Variants in UGT8 observed in about 807,000 individuals in gnomAD.
UGT8 encodes the protein UDP glycosyltransferase 8, also known as 2-hydroxyacylsphingosine 1-beta-galactosyltransferase.
A neutral mutation model predicts 40.5 loss-of-function variants in UGT8; 12 were observed. That is an observed-to-expected ratio of 0.30 (90% CI 0.19 to 0.48). The LOEUF is 0.48. Among genes scored for constraint, UGT8 ranks in the 20% least tolerant of loss-of-function variants. UGT8 has a pLI of 0.99. For missense variants in UGT8, 513 were observed against 648.7 expected (o/e 0.79, Z 2.27); for synonymous variants, 224 against 240.4 (o/e 0.93, Z 0.63).
intron 1 of UGT8, among the ~76,000 whole-genome samples, chr4:114,599,563 G>T (rs1730311030): frequency 6.6e-6 from 1 of 152,222 alleles, no homozygotes; most frequent in Admixed American, 6.5e-5. Flanking sequence ...CCGTTTCCGC[G>T]TGCCCGCGCG....
At chr4:114,647,388 G>GTGTT (rs928460196) in intron 2 of UGT8, among the ~76,000 whole-genome samples, 15 of 151,662 alleles carry the variant, frequency 9.9e-5, no homozygotes, top group Admixed American at 9.9e-4. Context: ...GTGTGTGTGT[G>GTGTT]TGTGTCTCAC....
chr4:114,611,376 C>A, intron 1 of UGT8, among the ~76,000 whole-genome samples: 1 of 138,692 alleles, frequency 7.2e-6, no homozygotes, highest in Non-Finnish European at 1.5e-5. Context: ...ACATCTTTTT[C>A]TGTAGGATAA....
intron 1 of UGT8, among the ~76,000 whole-genome samples, chr4:114,609,667 C>T (rs568620845): frequency 6.6e-6 from 1 of 152,190 alleles, no homozygotes; most frequent in African/African-American, 2.4e-5. Context: ...ATCTGCCCAT[C>T]AGTAGGATTT....
At chr4:114,627,549 C>T (rs973541852) in intron 2 of UGT8, among the ~76,000 whole-genome samples, 39 of 152,006 alleles carry the variant, frequency 2.6e-4, no homozygotes, top group Admixed American at 2.0e-3. Context: ...TGAGCCACCG[C>T]GCCTGGCCAA....
chr4:114,610,922 T>C (rs75745319), intron 1 of UGT8, among the ~76,000 whole-genome samples: 2 of 152,222 alleles, frequency 1.3e-5, no homozygotes, highest in Admixed American at 6.5e-5. Context: ...GGGGAAATAA[T>C]CCCATGATCT....
At chr4:114,660,999 TTGTCTC>T (rs1309658133) in intron 2 of UGT8, among the ~76,000 whole-genome samples, 1 of 152,188 alleles carries the variant, frequency 6.6e-6, no homozygotes, top group Non-Finnish European at 1.5e-5. Flanking sequence ...CAGTAGCTGA[TTGTCTC>T]TGTCATCATG....
intron 1 of UGT8, among the ~76,000 whole-genome samples, chr4:114,621,084 G>T (rs570398378): frequency 6.6e-6 from 1 of 152,016 alleles, no homozygotes; most frequent in Admixed American, 6.5e-5. Context: ...ACACTATATG[G>T]TCCCCACGTA....
At chr4:114,617,850 C>A (rs1244143034) in intron 1 of UGT8, among the ~76,000 whole-genome samples, 1 of 152,084 alleles carries the variant, frequency 6.6e-6, no homozygotes, top group Non-Finnish European at 1.5e-5. Flanking sequence ...TGCTTAACTC[C>A]AAAGGAAGGA....
chr4:114,599,923 A>AG (rs1313165254), intron 1 of UGT8, among the ~76,000 whole-genome samples: 1 of 152,134 alleles, frequency 6.6e-6, no homozygotes, highest in African/African-American at 2.4e-5. Context: ...GGTTTAATTG[A>AG]GGGTTTATAA....
At chr4:114,624,457 A>G (rs770291180) in intron 2 of UGT8, among the ~76,000 whole-genome samples, 1 of 152,206 alleles carries the variant, frequency 6.6e-6, no homozygotes, top group Non-Finnish European at 1.5e-5. Flanking sequence ...TTCTAACCTC[A>G]GATTGAATCT....
intron 3 of UGT8, among the ~76,000 whole-genome samples, chr4:114,665,088 C>T (rs532090681): frequency 1.3e-5 from 2 of 152,310 alleles, no homozygotes; most frequent in African/African-American, 4.8e-5. Context: ...TATGTCTATT[C>T]CATTCAGACT....
intron 1 of UGT8, among the ~76,000 whole-genome samples, chr4:114,608,534 T>A (rs1219019214): frequency 6.6e-6 from 1 of 152,168 alleles, no homozygotes; most frequent in Non-Finnish European, 1.5e-5. Flanking sequence ...TATTTTTTTT[T>A]AACAAGGTGT....
intron 1 of UGT8, among the ~76,000 whole-genome samples, chr4:114,616,089 C>T (rs1190054744): frequency 6.6e-6 from 1 of 152,174 alleles, no homozygotes; most frequent in South Asian, 2.1e-4. Flanking sequence ...CTCAGATCTC[C>T]AGCTGCGTTC....
chr4:114,657,485 G>A (rs1299135963), intron 2 of UGT8, among the ~76,000 whole-genome samples: 1 of 152,054 alleles, frequency 6.6e-6, no homozygotes, highest in Non-Finnish European at 1.5e-5. Flanking sequence ...TATTGCTTCT[G>A]TAGCGTAATT....
At chr4:114,603,990 A>G (rs1451060705) in intron 1 of UGT8, among the ~76,000 whole-genome samples, 1 of 152,192 alleles carries the variant, frequency 6.6e-6, no homozygotes, top group Non-Finnish European at 1.5e-5. Flanking sequence ...AGGCCAGTAG[A>G]ATAGCAGCCA....
At chr4:114,618,338 C>T (rs1341154403) in intron 1 of UGT8, among the ~76,000 whole-genome samples, 1 of 152,120 alleles carries the variant, frequency 6.6e-6, no homozygotes, top group Non-Finnish European at 1.5e-5. Flanking sequence ...ACATTTTCAC[C>T]AACTTCTTAA....
At chr4:114,652,663 G>T (rs1226203542) in intron 2 of UGT8, among the ~76,000 whole-genome samples, 1 of 151,966 alleles carries the variant, frequency 6.6e-6, no homozygotes, top group Non-Finnish European at 1.5e-5. Context: ...GATTAGAAGA[G>T]CACATAAATC....
intron 1 of UGT8, among the ~76,000 whole-genome samples, chr4:114,610,574 G>T (rs1384917092): frequency 6.6e-6 from 1 of 152,088 alleles, no homozygotes; most frequent in African/African-American, 2.4e-5. Context: ...TTTTTCTGCA[G>T]AAACTATCAA....
intron 2 of UGT8, among the ~76,000 whole-genome samples, chr4:114,657,450 AC>A (rs1239431216): frequency 1.3e-5 from 2 of 152,062 alleles, no homozygotes; most frequent in Non-Finnish European, 2.9e-5. Flanking sequence ...TAAAAATAGA[AC>A]CATTGCCTTG....
Sources: gnomAD v4.1 joint callset for allele counts (sites outside exome capture counted in the v4.1 genomes callset) on GRCh38, gnomAD v4.1.1 for gene constraint, MANE v1.5 for transcripts, NCBI Gene and HGNC (gene_info 2026-07-23, HGNC 2026-07-21) for gene names.